Variants in SYNE2 observed in about 807,000 individuals in gnomAD.
The protein encoded by SYNE2 is nesprin-2.
In SYNE2, 431 loss-of-function variants were observed where a neutral mutation model predicts 856.3. That is an observed-to-expected ratio of 0.50 (90% CI 0.47 to 0.55). SYNE2 has a LOEUF of 0.55. Ranked by LOEUF, SYNE2 falls within the 20% of genes least tolerant of loss-of-function variation. SYNE2 has a pLI of 0.00. For missense variants in SYNE2, 8,129 were observed against 8,023.2 expected (o/e 1.01, Z -0.50); for synonymous variants, 2,923 against 2,872.3 (o/e 1.02, Z -0.56).
intron 53 of SYNE2, 95 bp downstream of exon 53, chr14:64,074,231 G>C: frequency 7.7e-7 from 1 of 1,292,824 alleles, no homozygotes; most frequent in South Asian, 1.2e-5. Context: ...GGCTGGGTTT[G>C]GGGGAGCGGT....
rs1448027576 is a variant in SYNE2, at chr14:64,129,772, T to G, written c.14020-10T>G. The G allele has an allele frequency of 6.2e-7, 1 of 1,614,066 alleles. No individual in the cohort carries two copies. The highest frequency in any genetic ancestry group is 1.1e-5 in the South Asian group (1 of 91,076). On this transcript the variant is annotated splice_polypyrimidine_tract_variant and intron_variant, in intron 74 of 115. Coordinates refer to ENST00000555002, the MANE Select transcript of SYNE2 (RefSeq NM_182914.3). ...AAGGGTTTTCTTTTCTTGTATTGTC[T>G]CTCACTTAGAAAGCAGATGCATATA...
At chr14:64,103,876 C>A (rs988414684) in intron 64 of SYNE2, among the ~76,000 whole-genome samples, 1 of 152,202 alleles carries the variant, frequency 6.6e-6, no homozygotes, top group African/African-American at 2.4e-5. Flanking sequence ...ATCTCAACTT[C>A]CCCTGCTCCA....
At position 64,025,470 on chromosome 14, in the gene SYNE2, T is replaced by A. The variant is rs1567086930; in HGVS notation, c.6252+49T>A. ...CAGAAGTCTGAGTGAACTCTAGTTT[T>A]GAAAAGATTTAGAGGAAAACTGTAA... On this transcript the variant is annotated intron_variant, in intron 41 of 115. Transcript: ENST00000555002. 3.2e-6 allele frequency: 5 copies of A among 1,564,210 alleles called. No individual in the cohort carries two copies. In the Admixed American group the frequency reaches 8.6e-5, roughly 27 times the overall value.
At chr14:63,852,673 G>C (rs572960421), upstream of SYNE2, among the ~76,000 whole-genome samples, 224 of 152,304 alleles carry the variant, frequency 1.5e-3, no homozygotes, top group African/African-American at 5.1e-3. Context: ...AGGAATCTAC[G>C]GGTGTTGGAG....
intron 49 of SYNE2, among the ~76,000 whole-genome samples, chr14:64,060,090 AC>A (rs1358255719): frequency 6.7e-6 from 1 of 148,742 alleles, no homozygotes; most frequent in Non-Finnish European, 1.5e-5. Context: ...GTCCAGAGAT[AC>A]TGTACAAGAG....
intron 23 of SYNE2, among the ~76,000 whole-genome samples, chr14:63,995,988 G>T (rs190306226): frequency 6.6e-6 from 1 of 152,072 alleles, no homozygotes; most frequent in Non-Finnish European, 1.5e-5. Flanking sequence ...ATGATAGTGC[G>T]TCAATTTTTC....
intron 45 of SYNE2, among the ~76,000 whole-genome samples, chr14:64,036,102 G>C (rs190033764): frequency 2.0e-5 from 3 of 151,646 alleles, no homozygotes; most frequent in Admixed American, 6.6e-5. Context: ...CGTGCTGACT[G>C]ACCTCAATGG....
At chr14:63,934,272 C>T (rs903516493) in intron 2 of SYNE2, among the ~76,000 whole-genome samples, 1 of 152,134 alleles carries the variant, frequency 6.6e-6, no homozygotes, top group East Asian at 1.9e-4. Context: ...GGCTGCTCCT[C>T]TTAGTGTTTT....
At chr14:64,214,738 C>T (rs1267300633) in intron 106 of SYNE2, among the ~76,000 whole-genome samples, 2 of 152,114 alleles carry the variant, frequency 1.3e-5, no homozygotes. Context: ...GTCTGGGAGA[C>T]TCATCAGTGA....
intron 2 of SYNE2, among the ~76,000 whole-genome samples, chr14:63,917,070 C>T (rs1293494405): frequency 2.6e-5 from 4 of 152,078 alleles, no homozygotes. Flanking sequence ...GGCTGGATGA[C>T]AGAGTGAGAC....
Position 64,027,643 on chromosome 14 carries a change from C to T in SYNE2, c.6564C>T (p.Phe2188=). 6.2e-7 allele frequency: 1 copy of T among 1,614,064 alleles called. No homozygotes were observed. The highest frequency in any genetic ancestry group is 1.1e-5 in the South Asian group (1 of 91,066). ...CTCAGTTAAAGATTTATAAGAAATT[C>T]CTCAAGAAAGCCCAAGATTTGACAT... ...KKAQLKIYKK[F]LKKAQDLTSL... Residue 2188 remains phenylalanine (F), a synonymous_variant, in exon 43 of 116, where the codon TTC becomes TTT. Coordinates refer to ENST00000555002, the MANE Select transcript of SYNE2 (RefSeq NM_182914.3).
chr14:64,166,537 G>C (rs924792675), intron 90 of SYNE2, among the ~76,000 whole-genome samples: 1 of 152,198 alleles, frequency 6.6e-6, no homozygotes, highest in African/African-American at 2.4e-5. Flanking sequence ...CCCTTGCTCT[G>C]CTAGAGTTAT....
chr14:64,048,266 C>A, intron 46 of SYNE2, 111 bp downstream of exon 46: 1 of 997,616 alleles, frequency 1.0e-6, no homozygotes, highest in Non-Finnish European at 1.5e-6. Flanking sequence ...TCTTATTTAA[C>A]CTTTGCCTGA....
chr14:63,791,129 T>C lies in SYNE2; in HGVS notation c.-305+29143T>C, dbSNP rs182941796. 1.8e-4 allele frequency among the ~76,000 whole-genome samples: 27 copies of C among 152,162 alleles called. No homozygotes were observed. The East Asian group carries it at 5.0e-3, about 28-fold the overall frequency. ...CCTGCCACCACACCCAGCTAGCTAATTTTTGTATTTTTAGTAGAGTCAGGG... is the reference window on the plus strand; with the variant it reads ...CCTGCCACCACACCCAGCTAGCTAACTTTTGTATTTTTAGTAGAGTCAGGG... On this transcript the variant is annotated intron_variant, in intron 1 of 23. Coordinates refer to the SYNE2 transcript ENST00000674003.
At chr14:63,880,842 T>G (rs759617918) in intron 1 of SYNE2, among the ~76,000 whole-genome samples, 3 of 151,436 alleles carry the variant, frequency 2.0e-5, no homozygotes, top group African/African-American at 7.3e-5. Context: ...CTGGCTAATT[T>G]AAAAAAAATT....
At position 63,976,653 on chromosome 14, in the gene SYNE2, G is replaced by A. The variant is rs756154162; in HGVS notation, c.1219G>A (p.Asp407Asn). The A allele has an allele frequency of 3.2e-5, 52 of 1,612,234 alleles. No homozygotes were observed. The highest frequency in any genetic ancestry group is 4.3e-5 in the Non-Finnish European group (51 of 1,179,788). ...GCTCCAGGAGGTAGAAGAGCTTATGGATGAAGATTTGTCAGCCTCCCAGGA... is the reference window on the plus strand; with the variant it reads ...GCTCCAGGAGGTAGAAGAGCTTATGAATGAAGATTTGTCAGCCTCCCAGGA... ...AWLQEVEELM[D>N]EDLSASQDHS... is the part of the protein sequence containing the mutation. The change falls in exon 12 of 116, where the codon GAT becomes AAT. Residue 407 changes from aspartate (D) to asparagine (N), a missense_variant. Asp to Asn is a conservative substitution (Grantham distance 23). This residue lies in a region of SYNE2 where 2,422 missense variants were observed against 2,357.4 expected (regional missense o/e 1.03). Transcript: ENST00000555002.
At chr14:64,190,559 G>A (rs1263695601) in intron 99 of SYNE2, 1 of 698,540 alleles carries the variant, frequency 1.4e-6, no homozygotes, top group African/African-American at 1.8e-5. Context: ...GTTAGCATTT[G>A]TGTGTCCCCA....
chr14:63,888,145 A>G (rs2095041103), intron 1 of SYNE2, among the ~76,000 whole-genome samples: 1 of 152,150 alleles, frequency 6.6e-6, no homozygotes. Context: ...GGATGAGAAA[A>G]CTAGGGACCA....
At chr14:63,961,475 C>A in intron 8 of SYNE2, 50 bp from the exon 9 acceptor site, 2 of 1,468,850 alleles carry the variant, frequency 1.4e-6, no homozygotes, top group Non-Finnish European at 1.9e-6. Flanking sequence ...CTTGAGTATT[C>A]ATTATAGTAA....
Sources: allele counts gnomAD v4.1 joint callset (sites outside exome capture counted in the v4.1 genomes callset), GRCh38; gene constraint gnomAD v4.1.1; regional missense constraint gnomAD v4.1.1; transcripts MANE v1.5; gene names NCBI Gene and HGNC (gene_info 2026-07-23, HGNC 2026-07-21).